The following FBXL17 variants were observed in gnomAD, a reference collection of about 807,000 sequenced individuals.
The protein encoded by FBXL17 is F-box/LRR-repeat protein 17.
In FBXL17, 22 loss-of-function variants were observed where a neutral mutation model predicts 66.2. That is an observed-to-expected ratio of 0.33 (90% confidence interval 0.24 to 0.47). FBXL17 has a LOEUF of 0.47. Among genes scored for constraint, FBXL17 ranks in the 20% least tolerant of loss-of-function variants. The probability of loss-of-function intolerance (pLI) is 1.00; values close to 1 mark genes in which losing one functional copy is unlikely to be tolerated. For missense variants in FBXL17, 878 were observed against 948.2 expected (o/e 0.93, Z 0.97); for synonymous variants, 474 against 400.5 (o/e 1.18, Z -2.19).
intron 4 of FBXL17, among the ~76,000 whole-genome samples, chr5:108,326,980 C>T (rs1759886974): frequency 6.6e-6 from 1 of 152,150 alleles, no homozygotes. Context: ...AAAATTTATT[C>T]AAGAGAAATG....
chr5:108,138,973 G>C (rs1012932743), intron 6 of FBXL17, among the ~76,000 whole-genome samples: 3 of 152,200 alleles, frequency 2.0e-5, no homozygotes, highest in Non-Finnish European at 4.4e-5. Flanking sequence ...CATTGAGAAT[G>C]AGCATTCATC....
chr5:107,928,514 T>C (rs77285949), intron 7 of FBXL17, among the ~76,000 whole-genome samples: 4,248 of 152,150 alleles, frequency 0.028, 188 homozygotes, highest in African/African-American at 0.097. Context: ...GAAATAATAT[T>C]ACATTTAATT....
At chr5:108,376,368 G>A (rs1244929557) in intron 1 of FBXL17, among the ~76,000 whole-genome samples, 1 of 152,110 alleles carries the variant, frequency 6.6e-6, no homozygotes, top group Non-Finnish European at 1.5e-5. Context: ...GTCTTATATA[G>A]AGAAAATCCC....
At chr5:108,017,470 A>G in intron 7 of FBXL17, among the ~76,000 whole-genome samples, 1 of 152,176 alleles carries the variant, frequency 6.6e-6, no homozygotes, top group Non-Finnish European at 1.5e-5. Flanking sequence ...TATGACAAGA[A>G]CTGCCAATTA....
intron 4 of FBXL17, among the ~76,000 whole-genome samples, chr5:108,290,275 C>T (rs374393994): frequency 3.9e-5 from 6 of 152,026 alleles, no homozygotes; most frequent in East Asian, 3.9e-4. Context: ...CAATACTGGG[C>T]GTGAATGTTA....
rs181337955 is a variant in FBXL17 at position 108,040,942 on chromosome 5, G to A, written c.1746-19941C>T. 2.8e-3 allele frequency among the ~76,000 whole-genome samples: 428 copies of A among 152,200 alleles called. 2 individuals carry two copies. The highest frequency in any genetic ancestry group is 0.01 in the Middle Eastern group (3 of 294). ...TGTATCATAAATGGGAAGCATTATG[G>A]CACAGGATTTGGAATCAGAGACCTT... On this transcript the variant is annotated intron_variant, in intron 6 of 8. Transcript: ENST00000542267.
intron 6 of FBXL17, among the ~76,000 whole-genome samples, chr5:108,050,254 G>C (rs917526143): frequency 1.3e-5 from 2 of 152,178 alleles, no homozygotes; most frequent in Admixed American, 6.5e-5. Flanking sequence ...GACATCAACA[G>C]AATATACCTT....
Position 107,859,390 on chromosome 5 carries a change from G to GTTTTTTTTTTTT in FBXL17, c.*2318_*2329dup, listed in dbSNP as rs549840338. The GTTTTTTTTTTTT allele has an allele frequency of 2.0e-4, 12 of 60,184 alleles. 1 individual carries two copies. Among genetic ancestry groups the GTTTTTTTTTTTT allele is most frequent in the Middle Eastern group, 0.016 (1 of 64 alleles). 3.7% of individuals were successfully genotyped at this position (60,184 alleles called of 1,614,324 possible). On this transcript the variant is annotated 3_prime_UTR_variant, in exon 9 of 9. Transcript: ENST00000542267. Reference sequence around the variant, plus strand: ...CTCAAGGTGATGCTTTTTTCTGGCTGTTTTTTTTTTTTTTTTTTTTTTTTT... The same window carrying GTTTTTTTTTTTT: ...CTCAAGGTGATGCTTTTTTCTGGCTGTTTTTTTTTTTTTTTTTTTTTTTTTTTTTTTTTTTTT...
At chr5:107,971,112 G>T (rs938988315) in intron 7 of FBXL17, among the ~76,000 whole-genome samples, 1 of 152,138 alleles carries the variant, frequency 6.6e-6, no homozygotes, top group East Asian at 1.9e-4. Context: ...AACAATTTGA[G>T]CATAATGCAA....
intron 4 of FBXL17, among the ~76,000 whole-genome samples, chr5:108,305,885 C>A (rs1758815173): frequency 6.6e-6 from 1 of 152,010 alleles, no homozygotes; most frequent in African/African-American, 2.4e-5. Context: ...ACAATGTTTA[C>A]CCTTATTGTA....
chr5:108,368,502 T>C (rs4957755), intron 1 of FBXL17, among the ~76,000 whole-genome samples: 127,710 of 152,010 alleles, frequency 0.84, 53,797 homozygotes, highest in African/African-American at 0.9. Context: ...ATATATATAC[T>C]AAATGTGGGA....
intron 4 of FBXL17, among the ~76,000 whole-genome samples, chr5:108,242,373 G>A (rs192232387): frequency 6.6e-6 from 1 of 151,506 alleles, no homozygotes; most frequent in Non-Finnish European, 1.5e-5. Flanking sequence ...TGTTGTTGTT[G>A]TTGTTGTTGT....
chr5:108,133,814 A>G (rs538348589), intron 6 of FBXL17, among the ~76,000 whole-genome samples: 34 of 152,288 alleles, frequency 2.2e-4, no homozygotes, highest in Middle Eastern at 3.4e-3. Context: ...TTTAATTTTT[A>G]TGCTCCCATT....
intron 6 of FBXL17, among the ~76,000 whole-genome samples, chr5:108,039,081 A>C (rs914089884): frequency 5.3e-5 from 8 of 152,106 alleles, no homozygotes; most frequent in Non-Finnish European, 7.4e-5. Context: ...CTTTAAATGA[A>C]CAAATACTAA....
chr5:108,236,549 AAAACAAAAACAAAC>A (rs1755612929), intron 4 of FBXL17, among the ~76,000 whole-genome samples: 1 of 151,972 alleles, frequency 6.6e-6, no homozygotes, highest in Non-Finnish European at 1.5e-5. Context: ...AAAAAAACAC[AAAACAAAAACAAAC>A]AAACAAAAAC....
chr5:108,226,536 G>C (rs140067017), intron 4 of FBXL17, among the ~76,000 whole-genome samples: 15 of 152,220 alleles, frequency 9.9e-5, no homozygotes, highest in African/African-American at 3.1e-4. Flanking sequence ...TTTTACACCA[G>C]TGACTCAACT....
intron 7 of FBXL17, among the ~76,000 whole-genome samples, chr5:107,881,868 T>C (rs1213875356): frequency 6.6e-6 from 1 of 152,084 alleles, no homozygotes; most frequent in Non-Finnish European, 1.5e-5. Context: ...ACTATGAGAG[T>C]ATCTGTAGTC....
chr5:107,886,375 T>C (rs10035487), intron 7 of FBXL17, among the ~76,000 whole-genome samples: 129,714 of 152,080 alleles, frequency 0.85, 55,432 homozygotes, highest in South Asian at 0.91. Context: ...CATCTATTTC[T>C]TAGCTCTTTC....
intron 7 of FBXL17, among the ~76,000 whole-genome samples, chr5:107,932,948 T>C (rs891127256): frequency 6.6e-6 from 1 of 152,060 alleles, no homozygotes; most frequent in Non-Finnish European, 1.5e-5. Flanking sequence ...TCATGGTTAT[T>C]ATGAAAGAGG....
Sources: allele counts gnomAD v4.1 joint callset (sites outside exome capture counted in the v4.1 genomes callset), GRCh38; gene constraint gnomAD v4.1.1; transcripts MANE v1.5; gene names NCBI Gene and HGNC (gene_info 2026-07-23, HGNC 2026-07-21).